The following TMEM132D variants were observed in gnomAD, a reference collection of about 807,000 sequenced individuals.
TMEM132D encodes transmembrane protein 132D.
Under a neutral mutation model 62.3 loss-of-function variants are expected in TMEM132D, and 21 were observed. The ratio of observed to expected loss-of-function variants is 0.34; its 90% CI spans 0.24 to 0.49. The LOEUF is 0.49. Among genes scored for constraint, TMEM132D ranks in the 20% least tolerant of loss-of-function variants. The pLI, the probability that TMEM132D is intolerant of heterozygous loss-of-function variation, is 0.99. For synonymous variants in TMEM132D, 621 were observed against 575.6 expected, an observed-to-expected ratio of 1.08 and a Z score of -1.13; for missense variants, 1,346 against 1,402.8, an observed-to-expected ratio of 0.96 and a Z score of 0.65.
chr12:129,497,514 T>C (rs959231857), intron 3 of TMEM132D, among the ~76,000 whole-genome samples: 1 of 152,090 alleles, frequency 6.6e-6, no homozygotes, highest in African/African-American at 2.4e-5. Flanking sequence ...CACAGCCATA[T>C]GGCTGTTTCT....
rs749900509 is a variant in TMEM132D, at chr12:129,078,731, G to A, written c.1924-6C>T. ...TCTGACAGAGGAGACAGGATCTGGA[G>A]GGCAGAAGCGACATGACAAGGAAAG... On this transcript the variant is annotated splice_region_variant and splice_polypyrimidine_tract_variant and intron_variant, in intron 7 of 8. Coordinates refer to ENST00000422113, the MANE Select transcript of TMEM132D (RefSeq NM_133448.3). 3.7e-6 allele frequency: 6 copies of A among 1,610,580 alleles called. No homozygotes were observed. The highest frequency in any genetic ancestry group is 1.7e-4 in the Middle Eastern group (1 of 6,050).
rs546830916 is a variant in TMEM132D at position 129,388,749 on chromosome 12, A to G, written c.1116-50932T>C. 6.0e-3 allele frequency among the ~76,000 whole-genome samples: 684 copies of G among 113,432 alleles called. 9 individuals carry two copies. The highest frequency in any genetic ancestry group is 0.01 in the Middle Eastern group (2 of 192). 74.4% of individuals were successfully genotyped at this position (113,432 alleles called of 152,430 possible). On this transcript the variant is annotated intron_variant, in intron 3 of 8. Transcript: ENST00000422113. ...TCATCCTAATATAAACACTAACAGC[A>G]ACACCAATACTAACACCAACACCAA...
In TMEM132D at chr12:129,250,164, C is replaced by T. The variant is rs186408477; in HGVS notation, c.1300-40501G>A. ...AAGAATGCAGGCGGGGTAGCAAATA[C>T]CCCAATTACAGCCTCCTCCTGCCCT... On this transcript the variant is annotated intron_variant, in intron 4 of 8. Coordinates refer to ENST00000422113, the MANE Select transcript of TMEM132D (RefSeq NM_133448.3). Among the ~76,000 whole-genome samples the T allele has an allele frequency of 9.7e-4, 148 of 152,218 alleles. 1 individual carries two copies. Among genetic ancestry groups the T allele is most frequent in the East Asian group, 7.4e-3 (38 of 5,162 alleles).
chr12:129,467,273 C>T (rs929425543), intron 3 of TMEM132D, among the ~76,000 whole-genome samples: 1 of 152,052 alleles, frequency 6.6e-6, no homozygotes, highest in African/African-American at 2.4e-5. Context: ...AGGATTGAAA[C>T]TTTATCATCA....
At chr12:129,693,818 G>T (rs1490259473) in intron 2 of TMEM132D, among the ~76,000 whole-genome samples, 1 of 152,142 alleles carries the variant, frequency 6.6e-6, no homozygotes, top group Non-Finnish European at 1.5e-5. Context: ...GATTTCGGAC[G>T]CTAATGAGAC....
chr12:129,281,733 A>G (rs1263804212), intron 4 of TMEM132D, among the ~76,000 whole-genome samples: 1 of 152,186 alleles, frequency 6.6e-6, no homozygotes, highest in South Asian at 2.1e-4. Context: ...AAGCTGGATG[A>G]TAACAGCTCC....
intron 4 of TMEM132D, among the ~76,000 whole-genome samples, chr12:129,329,577 T>A (rs1231003616): frequency 6.6e-6 from 1 of 152,140 alleles, no homozygotes; most frequent in African/African-American, 2.4e-5. Flanking sequence ...TAAGTCCAGA[T>A]CTTAGTGGGT....
At chr12:129,268,164 C>A (rs545690533) in intron 4 of TMEM132D, among the ~76,000 whole-genome samples, 2 of 152,080 alleles carry the variant, frequency 1.3e-5, no homozygotes, top group African/African-American at 2.4e-5. Context: ...CAATGGCAAC[C>A]AAAGCCAAAA....
At chr12:129,365,210 C>T (rs1306712253) in intron 3 of TMEM132D, among the ~76,000 whole-genome samples, 1 of 152,118 alleles carries the variant, frequency 6.6e-6, no homozygotes, top group Non-Finnish European at 1.5e-5. Context: ...GTCCAGCTGC[C>T]ATCACAGGTC....
intron 5 of TMEM132D, among the ~76,000 whole-genome samples, chr12:129,103,865 C>T (rs1875397668): frequency 6.6e-6 from 1 of 152,152 alleles, no homozygotes; most frequent in Non-Finnish European, 1.5e-5. Flanking sequence ...AGGAGAACTA[C>T]AAACCACTGC....
chr12:129,590,664 C>A (rs186828574), intron 2 of TMEM132D, among the ~76,000 whole-genome samples: 1 of 152,272 alleles, frequency 6.6e-6, no homozygotes, highest in African/African-American at 2.4e-5. Flanking sequence ...ATGAGACAGC[C>A]GTCTGTTTTT....
chr12:129,775,013 G>A (rs958622839), intron 1 of TMEM132D, among the ~76,000 whole-genome samples: 1 of 76,254 alleles, frequency 1.3e-5, no homozygotes, highest in African/African-American at 2.9e-5. Context: ...AAAGCACTGG[G>A]GAAATGTTAA....
chr12:129,443,242 C>T (rs888495613), intron 3 of TMEM132D, among the ~76,000 whole-genome samples: 3 of 152,196 alleles, frequency 2.0e-5, no homozygotes, highest in Non-Finnish European at 2.9e-5. Flanking sequence ...CTGCTTCCTG[C>T]GCAACTCCTC....
chr12:129,847,003 T>A (rs1384848196), intron 1 of TMEM132D, among the ~76,000 whole-genome samples: 4 of 152,218 alleles, frequency 2.6e-5, no homozygotes, highest in Admixed American at 2.6e-4. Flanking sequence ...TTACAAAAAA[T>A]TATAAATACT....
chr12:129,306,722 A>AT (rs1277600456), intron 4 of TMEM132D, among the ~76,000 whole-genome samples: 2 of 152,154 alleles, frequency 1.3e-5, no homozygotes, highest in African/African-American at 2.4e-5. Context: ...TTGGCAGAGC[A>AT]TTTTTTTAAA....
At chr12:129,739,649 T>C (rs1177520250) in intron 1 of TMEM132D, among the ~76,000 whole-genome samples, 1 of 152,106 alleles carries the variant, frequency 6.6e-6, no homozygotes, top group Admixed American at 6.5e-5. Context: ...TCCCAATGAA[T>C]GAGATGGATA....
At chr12:129,647,539 T>C (rs1879818060) in intron 2 of TMEM132D, among the ~76,000 whole-genome samples, 1 of 152,208 alleles carries the variant, frequency 6.6e-6, no homozygotes, top group Admixed American at 6.5e-5. Flanking sequence ...CTCTCCAAAG[T>C]GGTTGCACCA....
At chr12:129,358,227 C>G (rs148020204) in intron 3 of TMEM132D, among the ~76,000 whole-genome samples, 1 of 152,252 alleles carries the variant, frequency 6.6e-6, no homozygotes, top group East Asian at 1.9e-4. Flanking sequence ...CCTTTTATTT[C>G]TGGGTTTCAT....
intron 3 of TMEM132D, among the ~76,000 whole-genome samples, chr12:129,412,957 G>T (rs555126962): frequency 3.3e-5 from 5 of 152,192 alleles, no homozygotes; most frequent in Non-Finnish European, 7.3e-5. Flanking sequence ...TCATGTGCCC[G>T]TTCTGAGCAG....
Sources: gnomAD v4.1 joint callset for allele counts (sites outside exome capture counted in the v4.1 genomes callset) on GRCh38, gnomAD v4.1.1 for gene constraint, MANE v1.5 for transcripts, NCBI Gene and HGNC (gene_info 2026-07-23, HGNC 2026-07-21) for gene names.